ATG10: variants seen among roughly 807,000 people sequenced by gnomAD.
The protein encoded by ATG10 is ubiquitin-like-conjugating enzyme ATG10.
In ATG10, 30 loss-of-function variants were observed where a neutral mutation model predicts 32.1. That is an observed-to-expected ratio of 0.94 (90% CI 0.70 to 1.27). ATG10 has a LOEUF of 1.27. Among genes scored for constraint, ATG10 ranks in the 50% most tolerant of loss-of-function variants. The pLI, the probability that ATG10 is intolerant of heterozygous loss-of-function variation, is 0.00. For missense variants in ATG10, 233 were observed against 262.3 expected (o/e 0.89, Z 0.77); for synonymous variants, 87 against 91.5 (o/e 0.95, Z 0.28).
chr5:82,013,890 A>G (rs1283459338), intron 2 of ATG10, among the ~76,000 whole-genome samples: 1 of 151,844 alleles, frequency 6.6e-6, no homozygotes, highest in Non-Finnish European at 1.5e-5. Context: ...TTCCTTGTAG[A>G]TTCTGGATAT....
At chr5:82,107,270 TATC>T (rs1359447382) in intron 3 of ATG10, among the ~76,000 whole-genome samples, 2 of 152,072 alleles carry the variant, frequency 1.3e-5, no homozygotes, top group African/African-American at 4.8e-5. Flanking sequence ...ACAGGATTAT[TATC>T]AGCAAAATTT....
chr5:82,118,359 A>C (rs1765897332), intron 3 of ATG10, among the ~76,000 whole-genome samples: 1 of 130,140 alleles, frequency 7.7e-6, no homozygotes, highest in Admixed American at 8.1e-5. Flanking sequence ...ATATACATAT[A>C]TATACAAATA....
Position 82,220,728 on chromosome 5 carries a change from C to T in ATG10, c.454-31834C>T, listed in dbSNP as rs558169267. 2.2e-3 allele frequency among the ~76,000 whole-genome samples: 327 copies of T among 151,212 alleles called. 1 individual carries two copies. Among genetic ancestry groups the T allele is most frequent in the African/African-American group, 7.6e-3 (315 of 41,184 alleles). On this transcript the variant is annotated intron_variant, in intron 5 of 7. Coordinates refer to ENST00000282185, the MANE Select transcript of ATG10 (RefSeq NM_031482.5). Reference sequence around the variant, plus strand: ...CTCTGCAAGCTCTGCCTCCTGGGTCCCTGATGTACTACTCCATCTCTCTCT... The same window carrying T: ...CTCTGCAAGCTCTGCCTCCTGGGTCTCTGATGTACTACTCCATCTCTCTCT...
intron 3 of ATG10, among the ~76,000 whole-genome samples, chr5:82,163,114 T>C (rs1743432213): frequency 6.6e-6 from 1 of 152,146 alleles, no homozygotes; most frequent in Non-Finnish European, 1.5e-5. Context: ...AAGAATTTGG[T>C]TAAAAGAATT....
At chr5:82,128,370 T>G (rs932128960) in intron 3 of ATG10, among the ~76,000 whole-genome samples, 1 of 152,062 alleles carries the variant, frequency 6.6e-6, no homozygotes, top group African/African-American at 2.4e-5. Context: ...TTAATGCAGT[T>G]TCTTCATAGT....
At chr5:82,101,328 A>T (rs1191135014) in intron 3 of ATG10, among the ~76,000 whole-genome samples, 1 of 152,086 alleles carries the variant, frequency 6.6e-6, no homozygotes. Context: ...CTTTTTCCAG[A>T]CAGCAGGCAG....
intron 4 of ATG10, among the ~76,000 whole-genome samples, chr5:82,167,710 C>A (rs1350730386): frequency 6.6e-6 from 1 of 152,220 alleles, no homozygotes; most frequent in Non-Finnish European, 1.5e-5. Context: ...TGTTCCACTT[C>A]TATAAACACG....
chr5:82,098,891 G>A (rs1277269030), intron 3 of ATG10, among the ~76,000 whole-genome samples: 1 of 152,124 alleles, frequency 6.6e-6, no homozygotes, highest in Non-Finnish European at 1.5e-5. Context: ...AGACTTGTTG[G>A]CAGCATTGAA....
At chr5:82,232,986 C>G (rs759327992) in intron 5 of ATG10, among the ~76,000 whole-genome samples, 1 of 152,146 alleles carries the variant, frequency 6.6e-6, no homozygotes, top group Non-Finnish European at 1.5e-5. Flanking sequence ...TCACTCCCTT[C>G]TAATGGTCTT....
intron 2 of ATG10, among the ~76,000 whole-genome samples, chr5:82,050,024 C>T (rs367894729): frequency 1.3e-5 from 2 of 151,962 alleles, no homozygotes; most frequent in Admixed American, 1.3e-4. Context: ...CCTCCTTCTC[C>T]TCTGACCCAA....
At chr5:81,998,472 A>G (rs1264348978) in intron 2 of ATG10, among the ~76,000 whole-genome samples, 1 of 152,194 alleles carries the variant, frequency 6.6e-6, no homozygotes, top group Non-Finnish European at 1.5e-5. Context: ...TAAAGCAACC[A>G]CACAAACAAG....
chr5:82,032,997 G>A (rs1011246008), intron 2 of ATG10, among the ~76,000 whole-genome samples: 7 of 152,030 alleles, frequency 4.6e-5, no homozygotes, highest in African/African-American at 1.7e-4. Context: ...GCCTGCTTTA[G>A]TGGTAACATA....
At chr5:82,023,259 T>C (rs1355192134) in intron 2 of ATG10, among the ~76,000 whole-genome samples, 1 of 152,092 alleles carries the variant, frequency 6.6e-6, no homozygotes, top group Non-Finnish European at 1.5e-5. Flanking sequence ...TAGATTATAG[T>C]AGCACATATA....
intron 3 of ATG10, among the ~76,000 whole-genome samples, chr5:82,136,786 G>C (rs1581727085): frequency 1.3e-5 from 2 of 152,152 alleles, no homozygotes; most frequent in South Asian, 4.1e-4. Flanking sequence ...CGTTCTCCTG[G>C]ATAATATCCT....
chr5:82,162,179 G>A (rs1743379879), intron 3 of ATG10, among the ~76,000 whole-genome samples: 2 of 151,902 alleles, frequency 1.3e-5, no homozygotes, highest in Admixed American at 6.6e-5. Flanking sequence ...TGTACAAAGA[G>A]TTTATATAAT....
At chr5:82,007,574 G>A (rs943073368) in intron 2 of ATG10, among the ~76,000 whole-genome samples, 1 of 152,008 alleles carries the variant, frequency 6.6e-6, no homozygotes, top group Non-Finnish European at 1.5e-5. Context: ...CACCTCAGCC[G>A]CCTGTGTAGC....
At chr5:82,033,198 A>AC (rs1762791666) in intron 2 of ATG10, among the ~76,000 whole-genome samples, 1 of 152,230 alleles carries the variant, frequency 6.6e-6, no homozygotes, top group Admixed American at 6.5e-5. Context: ...ATAATTTAAT[A>AC]AATATCAATG....
intron 3 of ATG10, among the ~76,000 whole-genome samples, chr5:82,063,490 A>C (rs1355724281): frequency 6.6e-6 from 1 of 151,818 alleles, no homozygotes; most frequent in Admixed American, 6.6e-5. Flanking sequence ...ATGAACTGCT[A>C]ACAATTTTTT....
chr5:82,010,069 C>G, intron 2 of ATG10: 1 of 1,609,764 alleles, frequency 6.2e-7, no homozygotes, highest in Non-Finnish European at 8.5e-7. Flanking sequence ...ACGGCAATGT[C>G]GAAGAACACG....
Sources: gnomAD v4.1 joint callset for allele counts (sites outside exome capture counted in the v4.1 genomes callset) on GRCh38, gnomAD v4.1.1 for gene constraint, MANE v1.5 for transcripts, NCBI Gene and HGNC (gene_info 2026-07-23, HGNC 2026-07-21) for gene names.